CPS1: variants seen among roughly 807,000 people sequenced by gnomAD.
The protein encoded by CPS1 is carbamoyl-phosphate synthase [ammonia], mitochondrial.
A neutral mutation model predicts 174.6 loss-of-function variants in CPS1; 109 were observed. That is an observed-to-expected ratio of 0.62 (90% CI 0.53 to 0.73). The LOEUF (loss-of-function observed/expected upper bound fraction) is 0.73, where lower values mean the gene tolerates loss of function less well. Among genes scored for constraint, CPS1 ranks in the 30% least tolerant of loss-of-function variants. CPS1 has a pLI of 0.00. For synonymous variants in CPS1, 637 were observed against 632.0 expected, an observed-to-expected ratio of 1.01 and a Z score of -0.12; for missense variants, 1,689 against 1,821.9, an observed-to-expected ratio of 0.93 and a Z score of 1.33.
chr2:210,555,527 G>T (rs1193522761), upstream of CPS1: 1 of 437,088 alleles, frequency 2.3e-6, no homozygotes, highest in African/African-American at 2.0e-5. Context: ...TAAGCGTGAG[G>T]ACTTAAATTA....
intron 29 of CPS1, among the ~76,000 whole-genome samples, chr2:210,655,453 A>G (rs904260053): frequency 2.0e-5 from 3 of 152,164 alleles, no homozygotes; most frequent in African/African-American, 7.2e-5. Context: ...TAGTTTTTAA[A>G]TTGCCATGTT....
At chr2:210,623,045 G>A (rs1053083567) in intron 21 of CPS1, among the ~76,000 whole-genome samples, 50 of 151,990 alleles carry the variant, frequency 3.3e-4, no homozygotes, top group African/African-American at 9.4e-4. Context: ...AAAGAAGATG[G>A]CCAGCCTCTG....
chr2:210,509,795 A>G (rs188550313), intron 1 of CPS1, among the ~76,000 whole-genome samples: 3 of 152,192 alleles, frequency 2.0e-5, no homozygotes, highest in Admixed American at 1.3e-4. Context: ...CAGAGAATAA[A>G]ATACCTAGGA....
intron 1 of CPS1, among the ~76,000 whole-genome samples, chr2:210,478,463 C>T (rs1317544618): frequency 6.6e-6 from 1 of 152,076 alleles, no homozygotes; most frequent in African/African-American, 2.4e-5. Flanking sequence ...GCATTGTTTT[C>T]CTGTTGATTT....
intron 16 of CPS1, among the ~76,000 whole-genome samples, chr2:210,602,802 A>G (rs1698772986): frequency 6.6e-6 from 1 of 151,946 alleles, no homozygotes; most frequent in Admixed American, 6.6e-5. Flanking sequence ...GACTTTACTC[A>G]AAATTAAGGT....
At chr2:210,668,105 T>TTA in intron 33 of CPS1, 81 bp from the exon 34 acceptor site, 1 of 823,800 alleles carries the variant, frequency 1.2e-6, no homozygotes, top group East Asian at 2.6e-5. Flanking sequence ...TGTGTGTGTG[T>TTA]ATTTTAATTT....
Position 210,512,846 on chromosome 2 carries a change from G to GATATATATAGAGA in CPS1, c.3+35080_3+35081insATATATATAGAGA, listed in dbSNP as rs1695542418. The stretch of plus-strand genomic sequence containing the variant: ...TATATATATGGAGATATACATATAT[G>GATATATATAGAGA]GAGATATATATATATAGATATATAT... On this transcript the variant is annotated intron_variant, in intron 1 of 38. Coordinates refer to the CPS1 transcript ENST00000430249. Among the ~76,000 whole-genome samples, 3 of 60,864 alleles carry GATATATATAGAGA rather than the reference G, an allele frequency of 4.9e-5. 1 individual carries two copies. Among genetic ancestry groups the GATATATATAGAGA allele is most frequent in the East Asian group, 4.0e-4 (1 of 2,484 alleles). 39.9% of individuals were successfully genotyped at this position (60,864 alleles called of 152,430 possible).
At chr2:210,561,693 A>T (rs989214659) in intron 1 of CPS1, among the ~76,000 whole-genome samples, 4 of 152,212 alleles carry the variant, frequency 2.6e-5, no homozygotes, top group Non-Finnish European at 2.9e-5. Flanking sequence ...GAGGCCCGAA[A>T]AAAGCTGCGC....
intron 1 of CPS1, among the ~76,000 whole-genome samples, chr2:210,529,905 C>T (rs1210689574): frequency 1.3e-5 from 2 of 152,136 alleles, no homozygotes; most frequent in East Asian, 1.9e-4. Context: ...TAATGCTAGA[C>T]ATTTTTAGTC....
Position 210,599,365 on chromosome 2 carries a change from C to T in CPS1, c.1360-7C>T, listed in dbSNP as rs1346356162. The T allele has an allele frequency of 6.2e-7, 1 of 1,611,658 alleles. No individual in the cohort carries two copies. The highest frequency in any genetic ancestry group is 1.7e-5 in the Admixed American group (1 of 59,780). ...ATTCATGTACTGGATTCTTTTGTTT[C>T]TTTCAGGAAGAAAATGTCAAAACTG... On this transcript the variant is annotated splice_polypyrimidine_tract_variant and splice_region_variant and intron_variant, in intron 13 of 37. Coordinates refer to ENST00000233072, the MANE Select transcript of CPS1 (RefSeq NM_001875.5).
At chr2:210,578,312 G>A (rs556959068) in intron 4 of CPS1, among the ~76,000 whole-genome samples, 2 of 152,182 alleles carry the variant, frequency 1.3e-5, no homozygotes, top group East Asian at 3.9e-4. Flanking sequence ...GTTTCACCAT[G>A]TTGGCCAGGC....
At position 210,612,120 on chromosome 2, in the gene CPS1, A is replaced by G; in HGVS notation, c.2395A>G (p.Met799Val). The change falls in exon 20 of 38, where the codon ATG (methionine) becomes GTG (valine). Residue 799 changes from methionine to valine, a missense_variant. Coordinates refer to ENST00000233072, the MANE Select transcript of CPS1 (RefSeq NM_001875.5). ...GSSMKSVGEVMAIGRTFEESF... is the reference protein window; with the variant it reads ...GSSMKSVGEVVAIGRTFEESF... ...AGGTCTTAAACATGTATTACAGGTC[A>G]TGGCTATTGGTCGTACCTTTGAGGA... The G allele has an allele frequency of 6.2e-7, 1 of 1,611,914 alleles. No homozygotes were observed.
At chr2:210,582,482 A>G in intron 5 of CPS1, 135 bp from the exon 6 acceptor site, 1 of 713,940 alleles carries the variant, frequency 1.4e-6, no homozygotes, top group Non-Finnish European at 2.5e-6. Context: ...GAAGATGAAG[A>G]TCTTCCATGA....
At chr2:210,522,031 A>G (rs1257771588) in intron 1 of CPS1, among the ~76,000 whole-genome samples, 1 of 151,958 alleles carries the variant, frequency 6.6e-6, no homozygotes, top group African/African-American at 2.4e-5. Context: ...ATTTCCCACT[A>G]TTGAAGCAAG....
intron 21 of CPS1, among the ~76,000 whole-genome samples, chr2:210,634,434 GA>G (rs34829607): frequency 0.075 from 11,184 of 148,702 alleles, 396 homozygotes; most frequent in South Asian, 0.09. Context: ...CGTCTCAAAA[GA>G]AAAAAAAAAT....
chr2:210,540,021 T>G (rs1696357235), intron 1 of CPS1, among the ~76,000 whole-genome samples: 1 of 152,108 alleles, frequency 6.6e-6, no homozygotes, highest in Non-Finnish European at 1.5e-5. Flanking sequence ...GAAGTGGAAA[T>G]AAAGGACGCT....
intron 23 of CPS1, 81 bp downstream of exon 23, chr2:210,639,296 T>G: frequency 1.8e-6 from 2 of 1,101,196 alleles, no homozygotes; most frequent in Non-Finnish European, 1.4e-6. Context: ...ATTTTTTACC[T>G]CTTTGGATAT....
chr2:210,558,698 G>A (rs1046598222), intron 1 of CPS1, among the ~76,000 whole-genome samples: 1 of 152,014 alleles, frequency 6.6e-6, no homozygotes, highest in Non-Finnish European at 1.5e-5. Flanking sequence ...AGATATGATT[G>A]AAATTAGAAT....
At chr2:210,506,578 C>T (rs1238674486) in intron 1 of CPS1, among the ~76,000 whole-genome samples, 1 of 152,102 alleles carries the variant, frequency 6.6e-6, no homozygotes, top group African/African-American at 2.4e-5. Flanking sequence ...CAAACTACTC[C>T]AAGCTAAAGG....
Sources: allele counts gnomAD v4.1 joint callset (sites outside exome capture counted in the v4.1 genomes callset), GRCh38; gene constraint gnomAD v4.1.1; transcripts MANE v1.5; gene names NCBI Gene and HGNC (gene_info 2026-07-23, HGNC 2026-07-21).